Variants in KCNJ3 observed in about 807,000 individuals in gnomAD.
KCNJ3 encodes potassium inwardly rectifying channel subfamily J member 3.
In KCNJ3, 4 loss-of-function variants were observed where a neutral mutation model predicts 39.2. The observed-to-expected ratio is 0.10, with a 90% CI of 0.05 to 0.23. KCNJ3 has a LOEUF of 0.23. KCNJ3 is among the 10% of genes least tolerant of loss of function. The pLI, the probability that KCNJ3 is intolerant of heterozygous loss-of-function variation, is 1.00. For missense variants in KCNJ3, 276 were observed against 634.9 expected (o/e 0.43, Z 6.08); for synonymous variants, 230 against 237.4 (o/e 0.97, Z 0.29).
At chr2:154,755,513 C>T (rs564849481) in intron 2 of KCNJ3, among the ~76,000 whole-genome samples, 15 of 150,226 alleles carry the variant, frequency 1.0e-4, no homozygotes, top group African/African-American at 3.7e-4. Flanking sequence ...TTAAGGATAC[C>T]TGTAAATAAA....
At chr2:154,816,893 T>A (rs990413242) in intron 2 of KCNJ3, among the ~76,000 whole-genome samples, 10 of 152,208 alleles carry the variant, frequency 6.6e-5, no homozygotes, top group Admixed American at 5.9e-4. Flanking sequence ...TCGCAATTTC[T>A]CATTGGCCTT....
chr2:154,848,333 T>TTATTTATCTCATC (rs1558890765), intron 2 of KCNJ3, among the ~76,000 whole-genome samples: 9 of 152,096 alleles, frequency 5.9e-5, no homozygotes, highest in Non-Finnish European at 1.3e-4. Context: ...AAATCTTATT[T>TTATTTATCTCATC]ACAGTTTTGC....
At chr2:154,816,279 C>T (rs1687082457) in intron 2 of KCNJ3, among the ~76,000 whole-genome samples, 2 of 152,106 alleles carry the variant, frequency 1.3e-5, no homozygotes, top group Admixed American at 1.3e-4. Flanking sequence ...GTTGTTGGGA[C>T]TTGATCAAAG....
In KCNJ3 at chr2:154,789,683, G is replaced by T. The variant is rs965860007; in HGVS notation, c.920-65044G>T. ...CTCACATTATATACACACATATGTAGGTATTTGCACTCAAGTAACCCAAAT... is the reference window on the plus strand; with the variant it reads ...CTCACATTATATACACACATATGTATGTATTTGCACTCAAGTAACCCAAAT... On this transcript the variant is annotated intron_variant, in intron 2 of 2. Coordinates refer to ENST00000295101, the MANE Select transcript of KCNJ3 (RefSeq NM_002239.4). Among the ~76,000 whole-genome samples the T allele has an allele frequency of 2.0e-5, 3 of 151,970 alleles. No individual in the cohort carries two copies. In the South Asian group the frequency reaches 6.2e-4, roughly 31 times the overall value.
intron 2 of KCNJ3, among the ~76,000 whole-genome samples, chr2:154,794,441 A>G (rs996917637): frequency 1.3e-5 from 2 of 152,004 alleles, no homozygotes; most frequent in African/African-American, 4.8e-5. Context: ...TTGTCATGAT[A>G]TGTTCAGTCT....
At chr2:154,700,477 C>G (rs952847191) in intron 1 of KCNJ3, among the ~76,000 whole-genome samples, 1 of 152,054 alleles carries the variant, frequency 6.6e-6, no homozygotes, top group Non-Finnish European at 1.5e-5. Flanking sequence ...AGGGATTTGT[C>G]TTAGTAGTTT....
At chr2:154,731,684 T>C (rs1054897283) in intron 2 of KCNJ3, among the ~76,000 whole-genome samples, 1 of 149,684 alleles carries the variant, frequency 6.7e-6, no homozygotes, top group African/African-American at 2.5e-5. Context: ...CCTTTTCAAA[T>C]AGGTGATAGG....
chr2:154,857,524 G>A lies in KCNJ3; in HGVS notation c.*2211G>A, dbSNP rs1687858956. 6.6e-6 allele frequency: 1 copy of A among 152,082 alleles called. No individual in the cohort carries two copies. Among genetic ancestry groups the A allele is most frequent in the African/African-American group, 2.4e-5 (1 of 41,402 alleles). The allele number at this position is 152,082 out of a possible 1,614,324, so 9.4% of individuals were successfully genotyped here. A position where few individuals can be genotyped will look rare whatever the true frequency, so the allele number is the denominator to read the frequency against. On this transcript the variant is annotated 3_prime_UTR_variant, in exon 3 of 3. Transcript: ENST00000295101. Reference sequence around the variant, plus strand: ...TCACCATGAACACTGTATACCAGAAGGAGAGTGGGGAGGAGACAAAAAACA... The same window carrying A: ...TCACCATGAACACTGTATACCAGAAAGAGAGTGGGGAGGAGACAAAAAACA...
At chr2:154,775,759 G>A (rs142685392) in intron 2 of KCNJ3, among the ~76,000 whole-genome samples, 396 of 152,120 alleles carry the variant, frequency 2.6e-3, no homozygotes, top group African/African-American at 9.3e-3. Flanking sequence ...AAGCATTTGG[G>A]TACAAGTAAT....
chr2:154,799,762 C>A (rs1204313303), intron 2 of KCNJ3, among the ~76,000 whole-genome samples: 1 of 152,126 alleles, frequency 6.6e-6, no homozygotes, highest in African/African-American at 2.4e-5. Flanking sequence ...AGGTAATTCA[C>A]CCCTTAATAA....
At chr2:154,816,547 G>A (rs1687085600) in intron 2 of KCNJ3, among the ~76,000 whole-genome samples, 1 of 152,062 alleles carries the variant, frequency 6.6e-6, no homozygotes, top group Non-Finnish European at 1.5e-5. Flanking sequence ...CTTGTGAACT[G>A]GTGAAAACAG....
intron 2 of KCNJ3, among the ~76,000 whole-genome samples, chr2:154,764,216 G>A (rs1686094127): frequency 6.6e-6 from 1 of 152,168 alleles, no homozygotes; most frequent in Admixed American, 6.5e-5. Flanking sequence ...TTATTTAAAA[G>A]GAGCGTTAAG....
intron 2 of KCNJ3, among the ~76,000 whole-genome samples, chr2:154,853,324 G>A (rs1051940187): frequency 6.6e-6 from 1 of 151,918 alleles, no homozygotes; most frequent in African/African-American, 2.4e-5. Flanking sequence ...GATTTTGGAA[G>A]GATTCAAATG....
intron 2 of KCNJ3, among the ~76,000 whole-genome samples, chr2:154,710,286 TCTGTGTGTG>T (rs1368134956): frequency 2.6e-5 from 4 of 152,152 alleles, no homozygotes; most frequent in Non-Finnish European, 5.9e-5. Flanking sequence ...TGTGTGTGTG[TCTGTGTGTG>T]CTGTGTGTGC....
In KCNJ3 at chr2:154,700,007, A is replaced by G. The variant is rs188294940; in HGVS notation, c.702+530A>G. ...GAGGCGGATTACTCCTCTGGACCCA[A>G]TGACTTTAACTCTATGGTCATCTTT... On this transcript the variant is annotated intron_variant, in intron 1 of 2. Transcript: ENST00000295101. Among the ~76,000 whole-genome samples, 36 of 152,196 alleles carry G rather than the reference A, an allele frequency of 2.4e-4. No individual in the cohort carries two copies. The East Asian group carries it at 6.0e-3, about 25-fold the overall frequency.
At chr2:154,746,609 G>GATATAT (rs59587484) in intron 2 of KCNJ3, among the ~76,000 whole-genome samples, 26 of 143,388 alleles carry the variant, frequency 1.8e-4, no homozygotes, top group East Asian at 1.6e-3. Context: ...CGTATACACA[G>GATATAT]ATATATATAT....
intron 1 of KCNJ3, among the ~76,000 whole-genome samples, chr2:154,700,029 C>G (rs1419980913): frequency 6.6e-6 from 1 of 152,108 alleles, no homozygotes; most frequent in Admixed American, 6.5e-5. Context: ...CTATGGTCAT[C>G]TTTTTAACAA....
intron 2 of KCNJ3, among the ~76,000 whole-genome samples, chr2:154,713,490 G>A (rs796867151): frequency 6.6e-5 from 10 of 152,216 alleles, no homozygotes; most frequent in African/African-American, 2.4e-4. Flanking sequence ...GGAGTGGTGG[G>A]GGGAGGGAAG....
rs933241361 is a variant in KCNJ3, at chr2:154,737,177, C to T, written c.919+27358C>T. The stretch of plus-strand genomic sequence containing the variant: ...AAGGCCAGGGAAAGTTCTTGTTCAC[C>T]CAGACAGAGAAGAAAACCTCATAAT... On this transcript the variant is annotated intron_variant, in intron 2 of 2. Coordinates refer to ENST00000295101, the MANE Select transcript of KCNJ3 (RefSeq NM_002239.4). Among the ~76,000 whole-genome samples, 20 of 152,176 alleles carry T rather than the reference C, an allele frequency of 1.3e-4. No homozygotes were observed. In the East Asian group the frequency reaches 3.5e-3, roughly 27 times the overall value.
Sources: allele counts gnomAD v4.1 joint callset (sites outside exome capture counted in the v4.1 genomes callset), GRCh38; gene constraint gnomAD v4.1.1; transcripts MANE v1.5; gene names NCBI Gene and HGNC (gene_info 2026-07-23, HGNC 2026-07-21).